NOL6: variants seen among roughly 807,000 people sequenced by gnomAD.
NOL6 encodes the protein nucleolar protein 6.
Under a neutral mutation model 131.7 loss-of-function variants are expected in NOL6, and 33 were observed. The observed-to-expected ratio is 0.25, with a 90% CI of 0.19 to 0.33. The LOEUF (loss-of-function observed/expected upper bound fraction) is 0.33, where lower values mean the gene tolerates loss of function less well. Among genes scored for constraint, NOL6 ranks in the 10% least tolerant of loss-of-function variants. The pLI, the probability that NOL6 is intolerant of heterozygous loss-of-function variation, is 1.00. For missense variants in NOL6, 1,297 were observed against 1,494.5 expected (o/e 0.87, Z 2.18); for synonymous variants, 580 against 605.7 (o/e 0.96, Z 0.62).
At position 33,465,814 on chromosome 9, in the gene NOL6, G is replaced by C; in HGVS notation, c.2448C>G (p.Ile816Met). 6.2e-7 allele frequency: 1 copy of C among 1,614,108 alleles called. No individual in the cohort carries two copies. The highest frequency in any genetic ancestry group is 8.5e-7 in the Non-Finnish European group (1 of 1,179,988). Residue 816 changes from isoleucine (I) to methionine (M), a missense_variant, in exon 19 of 26, where the codon ATC becomes ATG. Physicochemically the swap from Ile to Met is conservative, Grantham distance 10. Coordinates refer to ENST00000297990, the MANE Select transcript of NOL6 (RefSeq NM_022917.5). The stretch of plus-strand genomic sequence containing the variant: ...GGGAGGCAGCTGTGTCCCTCAGCGA[G>C]ATCATCCCCTCTGGGCTCTGCACCT... ...LKEVQSPEGM[I>M]SLRDTAASLR...
chr9:33,465,054 C>G, intron 20 of NOL6, 78 bp from the exon 21 acceptor site: 1 of 1,468,094 alleles, frequency 6.8e-7, no homozygotes, highest in Non-Finnish European at 9.4e-7. Flanking sequence ...GGAGCTCAGA[C>G]CCCCTGGTGT....
In NOL6 at chr9:33,467,049, G is replaced by A; in HGVS notation, c.1875-62C>T. 3 of 1,613,366 alleles carry A rather than the reference G, an allele frequency of 1.9e-6. No individual in the cohort carries two copies. In the Admixed American group the frequency reaches 5.0e-5, roughly 27 times the overall value. On this transcript the variant is annotated intron_variant, in intron 14 of 25. Coordinates refer to ENST00000297990, the MANE Select transcript of NOL6 (RefSeq NM_022917.5). The surrounding 1 kb of genome is among the most constrained non-coding windows in gnomAD (Gnocchi z 4.4). ...GGCTATGTTCTCGCTCAACTGCCTGGGCCAGACCCCTGAAAAGGCTCCCCA... is the reference window on the plus strand; with the variant it reads ...GGCTATGTTCTCGCTCAACTGCCTGAGCCAGACCCCTGAAAAGGCTCCCCA...
At chr9:33,471,898 T>C (rs1827420033) in intron 3 of NOL6, 106 bp downstream of exon 3, 2 of 819,854 alleles carry the variant, frequency 2.4e-6, no homozygotes, top group Admixed American at 3.7e-5. Context: ...GAGAATGAGC[T>C]CCCTGCACCC....
rs981343049 is a variant in NOL6 at position 33,461,901 on chromosome 9, A to C, written c.*763T>G. 8 of 454,512 alleles carry C rather than the reference A, an allele frequency of 1.8e-5. No individual in the cohort carries two copies. The highest frequency in any genetic ancestry group is 2.8e-5 in the Non-Finnish European group (7 of 249,210). 28.2% of individuals were successfully genotyped at this position (454,512 alleles called of 1,614,324 possible). A position where few individuals can be genotyped will look rare whatever the true frequency, so the allele number is the denominator to read the frequency against. On this transcript the variant is annotated 3_prime_UTR_variant, in exon 26 of 26. Coordinates refer to ENST00000297990, the MANE Select transcript of NOL6 (RefSeq NM_022917.5). ...GAGTCTCCCCCATCTCTGCAACCCC[A>C]CTGCAGGTACATAGTAGTGGCAGTT...
In NOL6 at chr9:33,469,074, C is replaced by A; in HGVS notation, c.910G>T (p.Asp304Tyr). Residue 304 changes from aspartate (D) to tyrosine (Y), a missense_variant, in exon 7 of 26, where the codon GAT becomes TAT. Physicochemically the swap from Asp to Tyr is radical, Grantham distance 160. Coordinates refer to ENST00000297990, the MANE Select transcript of NOL6 (RefSeq NM_022917.5). ...TPRYNTWVLQ[D>Y]TVLESHLQLL... ...TGCAAATGGGACTCGAGAACTGTAT[C>A]TTGCAGGACCCATGTGTTATAGCGG... 2 of 1,614,206 alleles carry A rather than the reference C, an allele frequency of 1.2e-6. No homozygotes were observed. The highest frequency in any genetic ancestry group is 8.5e-7 in the Non-Finnish European group (1 of 1,180,058).
In NOL6 at chr9:33,462,704, A is replaced by T; in HGVS notation, c.3401T>A (p.Val1134Glu). 1 of 1,614,142 alleles carries T rather than the reference A, an allele frequency of 6.2e-7. No homozygotes were observed. Among genetic ancestry groups the T allele is most frequent in the Non-Finnish European group, 8.5e-7 (1 of 1,180,024 alleles). ...CTCACTTCGGGCCTCCACAGTCTGC[A>T]CCAGGCCTTCACCCAGCACAGCAAA... ...EDFAVLGEGLVQTVEARSERW... is the reference protein window; with the variant it reads ...EDFAVLGEGLEQTVEARSERW... Residue 1134 changes from valine to glutamate, a missense_variant, in exon 26 of 26, where the codon GTG (valine) becomes GAG (glutamate). Val to Glu is a moderately radical substitution (Grantham distance 121, BLOSUM62 -2). Coordinates refer to ENST00000297990, the MANE Select transcript of NOL6 (RefSeq NM_022917.5).
rs763331277 is a variant in NOL6, at chr9:33,466,648, C to T, written c.2012G>A (p.Arg671His). ...AAVRCYDDLS[R>H]LLWGLEGLPL... is the part of the protein sequence containing the mutation. The stretch of plus-strand genomic sequence containing the variant: ...GAGACCCTCTAGCCCCCACAGTAGG[C>T]GACTGAGGTCGTCGTAGCAACGTAC... Residue 671 changes from arginine (R) to histidine (H), a missense_variant, in exon 16 of 26, where the codon CGC becomes CAC. Arg to His is a conservative substitution (Grantham distance 29). Transcript: ENST00000297990. The T allele has an allele frequency of 3.2e-5, 52 of 1,613,878 alleles. No homozygotes were observed. Among genetic ancestry groups the T allele is most frequent in the Non-Finnish European group, 4.1e-5 (48 of 1,180,038 alleles).
intron 19 of NOL6, 81 bp from the exon 20 acceptor site, chr9:33,465,440 A>G: frequency 7.0e-7 from 1 of 1,434,902 alleles, no homozygotes; most frequent in Non-Finnish European, 9.4e-7. Context: ...GGCCAGCCTC[A>G]GTGATAATAG....
Position 33,462,818 on chromosome 9 carries a change from G to A in NOL6, c.3292-5C>T, listed in dbSNP as rs1388226319. ...GCGCCCCTTTGTGCTGGAGGCCTGGGGAAATCAGAGAAGAGATGTGGGTTG... is the reference window on the plus strand; with the variant it reads ...GCGCCCCTTTGTGCTGGAGGCCTGGAGAAATCAGAGAAGAGATGTGGGTTG... On this transcript the variant is annotated splice_region_variant and splice_polypyrimidine_tract_variant and intron_variant, in intron 25 of 25. Transcript: ENST00000297990. The A allele has an allele frequency of 1.2e-6, 2 of 1,613,890 alleles. No homozygotes were observed. Among genetic ancestry groups the A allele is most frequent in the South Asian group, 2.2e-5 (2 of 91,026 alleles).
chr9:33,464,633 TCTC>T (rs1247677930), intron 21 of NOL6, among the ~76,000 whole-genome samples: 1 of 151,986 alleles, frequency 6.6e-6, no homozygotes, highest in African/African-American at 2.4e-5. Context: ...CCCCTTCTAT[TCTC>T]CTCTTCCTTC....
rs1458508106 is a variant in NOL6 at position 33,467,010 on chromosome 9, G to A, written c.1875-23C>T. On this transcript the variant is annotated intron_variant, in intron 14 of 25. Transcript: ENST00000297990. The surrounding 1 kb of genome is among the most constrained non-coding windows in gnomAD (Gnocchi z 4.4). ...TGGCTGAAAAAGAGGCAGAGACACA[G>A]TGAGAAAATTTGGGGCTATGTTCTC... 2 of 1,613,996 alleles carry A rather than the reference G, an allele frequency of 1.2e-6. No individual in the cohort carries two copies. Among genetic ancestry groups the A allele is most frequent in the Non-Finnish European group, 1.7e-6 (2 of 1,179,994 alleles).
rs1288724183 is a variant in NOL6 at position 33,467,677 on chromosome 9, C to T, written c.1602+14G>A. The stretch of plus-strand genomic sequence containing the variant: ...CCAACTCAGACCCAAACTCCCCAAC[C>T]TACACCACCTCACCTCTGGGACTGG... On this transcript the variant is annotated intron_variant, in intron 12 of 25. Coordinates refer to ENST00000297990, the MANE Select transcript of NOL6 (RefSeq NM_022917.5). The surrounding 1 kb of genome is among the most constrained non-coding windows in gnomAD (Gnocchi z 4.4). 6.4e-7 allele frequency: 1 copy of T among 1,553,594 alleles called. No individual in the cohort carries two copies. Among genetic ancestry groups the T allele is most frequent in the African/African-American group, 1.4e-5 (1 of 73,140 alleles).
At chr9:33,465,952 T>A in intron 18 of NOL6, 55 bp from the exon 19 acceptor site, 1 of 1,591,192 alleles carries the variant, frequency 6.3e-7, no homozygotes. Flanking sequence ...ACCCCGGGAG[T>A]ACTCTGTGGC....
chr9:33,469,905 T>C (rs1827360544), intron 4 of NOL6, 107 bp downstream of exon 4: 1 of 1,247,696 alleles, frequency 8.0e-7, no homozygotes, highest in African/African-American at 1.5e-5. Context: ...TCTTCTGATT[T>C]AGAATTCTGA....
chr9:33,465,474 T>C, intron 19 of NOL6, 115 bp from the exon 20 acceptor site: 1 of 1,255,366 alleles, frequency 8.0e-7, no homozygotes. Context: ...TCTCATATTC[T>C]CTTAAGAAAT....
At chr9:33,465,016 A>T in intron 20 of NOL6, 40 bp from the exon 21 acceptor site, 2 of 1,544,972 alleles carry the variant, frequency 1.3e-6, no homozygotes, top group Non-Finnish European at 1.8e-6. Context: ...GGGCCCAGCC[A>T]CATATCCCCA....
chr9:33,466,034 C>A (rs368207663), intron 18 of NOL6, 37 bp downstream of exon 18: 16 of 1,561,796 alleles, frequency 1.0e-5, no homozygotes, highest in Non-Finnish European at 1.4e-5. Context: ...CTGGTGCCCC[C>A]CTTCCCTGGG....
chr9:33,465,697 G>A (rs370987990), intron 19 of NOL6, 37 bp downstream of exon 19: 63 of 1,594,752 alleles, frequency 4.0e-5, no homozygotes, highest in Non-Finnish European at 5.2e-5. Flanking sequence ...GCAGGAGGGG[G>A]CCTACAGACA....
Position 33,464,062 on chromosome 9 carries a change from C to A in NOL6, c.2879G>T (p.Trp960Leu), listed in dbSNP as rs1290557466. Reference sequence around the variant, plus strand: ...CTGGGCTGAGGGTCCATCCTGTGTCCACACAGAGTTTTTGCGGTCTTGGGG... The same window carrying A: ...CTGGGCTGAGGGTCCATCCTGTGTCAACACAGAGTTTTTGCGGTCTTGGGG... The part of the protein sequence containing the change: ...VTPQDRKNSV[W>L]TQDGPSAQIL... Residue 960 changes from tryptophan to leucine, a missense_variant, in exon 22 of 26, where the codon TGG (tryptophan) becomes TTG (leucine). Transcript: ENST00000297990. 1 of 1,613,668 alleles carries A rather than the reference C, an allele frequency of 6.2e-7. No homozygotes were observed. Among genetic ancestry groups the A allele is most frequent in the Admixed American group, 1.7e-5 (1 of 59,972 alleles).
Sources: allele counts gnomAD v4.1 joint callset (sites outside exome capture counted in the v4.1 genomes callset), GRCh38; gene constraint gnomAD v4.1.1; non-coding constraint Gnocchi (gnomAD v3.1); transcripts MANE v1.5; gene names NCBI Gene and HGNC (gene_info 2026-07-23, HGNC 2026-07-21).